Variants in RYR3 observed in about 807,000 individuals in gnomAD.
RYR3 encodes brain ryanodine receptor-calcium release channel.
RYR3 carries 207 observed loss-of-function variants against 584.3 expected under a neutral mutation model. That is an observed-to-expected ratio of 0.35 (90% CI 0.32 to 0.40). The LOEUF (loss-of-function observed/expected upper bound fraction) is 0.40. RYR3 is among the 10% of genes least tolerant of loss of function. The probability of loss-of-function intolerance (pLI) is 1.00; values close to 1 mark genes in which losing one functional copy is unlikely to be tolerated. For missense variants in RYR3, 5,616 were observed against 6,089.2 expected, an observed-to-expected ratio of 0.92 and a Z score of 2.59; for synonymous variants, 2,416 against 2,248.5, an observed-to-expected ratio of 1.07 and a Z score of -2.11.
chr15:33,844,962 T>G lies in RYR3; in HGVS notation c.13397T>G (p.Leu4466Arg), dbSNP rs757250262. The change falls in exon 93 of 104, where the codon CTT (leucine) becomes CGT (arginine). Residue 4466 changes from leucine to arginine, a missense_variant. By Grantham distance (102) the Leu-to-Arg change is moderately radical. Transcript: ENST00000634891. ...EEEEAMVFFV[L>R]QESTGYMAPT... is the part of the protein sequence containing the mutation. ...GAAGAAGCGATGGTATTCTTTGTCC[T>G]TCAGGAGAGCACCGGGTATATGGCA... The G allele has an allele frequency of 1.2e-6, 2 of 1,614,014 alleles. No individual in the cohort carries two copies. The highest frequency in any genetic ancestry group is 2.2e-5 in the South Asian group (2 of 91,080).
intron 28 of RYR3, among the ~76,000 whole-genome samples, chr15:33,644,783 A>G (rs1324277546): frequency 6.6e-6 from 1 of 152,220 alleles, no homozygotes; most frequent in Non-Finnish European, 1.5e-5. Context: ...TTTGCTCTGG[A>G]TGTTCCTATA....
chr15:33,711,297 G>T (rs1271645796), intron 43 of RYR3, among the ~76,000 whole-genome samples: 2 of 132,136 alleles, frequency 1.5e-5, no homozygotes, highest in Admixed American at 8.5e-5. Context: ...AGGCTGGAGT[G>T]CAGTGGCATG....
chr15:33,731,799 C>A (rs2068974208), intron 48 of RYR3, 105 bp downstream of exon 48: 1 of 783,162 alleles, frequency 1.3e-6, no homozygotes, highest in South Asian at 1.6e-5. Context: ...AGCTTCCAGG[C>A]CATTGTCATA....
At position 33,379,687 on chromosome 15, in the gene RYR3, C is replaced by CTCTCTCTCTCTCTCTATATATA; in HGVS notation, c.51+68592_51+68593insCTCTCTCTCTCTCTATATATAT. ...TGTCCCTCTCTCTCTCTCTCTCTCTCTATATATATATATATATATATGAAT... is the reference window on the plus strand; with the variant it reads ...TGTCCCTCTCTCTCTCTCTCTCTCTCTCTCTCTCTCTCTCTATATATATATATATATATATATATATATGAAT... On this transcript the variant is annotated intron_variant, in intron 1 of 103. Transcript: ENST00000634891. Among the ~76,000 whole-genome samples, 246 of 125,454 alleles carry CTCTCTCTCTCTCTCTATATATA rather than the reference C, an allele frequency of 2.0e-3. 1 individual carries two copies. Among genetic ancestry groups the CTCTCTCTCTCTCTCTATATATA allele is most frequent in the African/African-American group, 7.9e-3 (222 of 28,144 alleles). 82.3% of individuals were successfully genotyped at this position (125,454 alleles called of 152,430 possible).
At chr15:33,841,672 A>C (rs147611218) in intron 90 of RYR3, 192 bp from the exon 91 acceptor site, 13 of 557,352 alleles carry the variant, frequency 2.3e-5, no homozygotes, top group Non-Finnish European at 4.1e-5. Flanking sequence ...CACCAAGATC[A>C]TGGCTCATCC....
At chr15:33,786,609 A>G (rs868513932) in intron 66 of RYR3, among the ~76,000 whole-genome samples, 53 of 152,138 alleles carry the variant, frequency 3.5e-4, no homozygotes, top group African/African-American at 1.3e-3. Context: ...ATCAATAACT[A>G]TACTTTCCAC....
At chr15:33,394,327 A>C (rs977852880) in intron 1 of RYR3, among the ~76,000 whole-genome samples, 4 of 152,216 alleles carry the variant, frequency 2.6e-5, no homozygotes, top group Non-Finnish European at 4.4e-5. Context: ...ACATTGTTTA[A>C]AATATTTTCA....
chr15:33,432,722 A>G (rs919949258), intron 1 of RYR3, among the ~76,000 whole-genome samples: 1 of 139,508 alleles, frequency 7.2e-6, no homozygotes, highest in Non-Finnish European at 1.5e-5. Context: ...GGGTTTCACT[A>G]TGTTGGCTAG....
intron 1 of RYR3, among the ~76,000 whole-genome samples, chr15:33,393,224 G>T (rs1188517358): frequency 6.6e-6 from 1 of 152,236 alleles, no homozygotes; most frequent in Non-Finnish European, 1.5e-5. Context: ...CAGCTGACTT[G>T]AGTTAAATGA....
At chr15:33,820,612 A>C in intron 77 of RYR3, 144 bp from the exon 78 acceptor site, 1 of 653,818 alleles carries the variant, frequency 1.5e-6, no homozygotes. Flanking sequence ...GCAGTGGCCA[A>C]AATGTTCCTG....
intron 80 of RYR3, 54 bp downstream of exon 80, chr15:33,821,656 C>T (rs2077114933): frequency 6.5e-7 from 1 of 1,532,564 alleles, no homozygotes; most frequent in East Asian, 2.2e-5. Flanking sequence ...CCATTTGACA[C>T]CTGTCATGCT....
chr15:33,622,959 C>A (rs925603966), intron 19 of RYR3, among the ~76,000 whole-genome samples: 3 of 152,170 alleles, frequency 2.0e-5, no homozygotes, highest in Non-Finnish European at 1.5e-5. Context: ...TGACTTTCAG[C>A]CAGAATACTG....
At chr15:33,784,835 A>G (rs981250768) in intron 65 of RYR3, among the ~76,000 whole-genome samples, 4 of 152,060 alleles carry the variant, frequency 2.6e-5, no homozygotes, top group African/African-American at 9.7e-5. Flanking sequence ...TAAGGGAAGC[A>G]GGACAGATAA....
At chr15:33,438,908 A>G (rs537659302) in intron 1 of RYR3, among the ~76,000 whole-genome samples, 3 of 152,242 alleles carry the variant, frequency 2.0e-5, no homozygotes. Flanking sequence ...AAAAGGATAC[A>G]TAACAAATAC....
intron 43 of RYR3, among the ~76,000 whole-genome samples, chr15:33,714,540 G>T (rs527568173): frequency 4.6e-5 from 7 of 152,162 alleles, no homozygotes; most frequent in African/African-American, 1.7e-4. Context: ...AGATGTGTTT[G>T]GGTGTCTGTG....
At chr15:33,837,492 G>A (rs2078119829) in intron 88 of RYR3, 139 bp from the exon 89 acceptor site, 2 of 902,102 alleles carry the variant, frequency 2.2e-6, no homozygotes, top group Admixed American at 3.0e-5. Context: ...ATGGCTTGCT[G>A]CTCCCTCCTA....
At chr15:33,443,731 A>T (rs556821229) in intron 1 of RYR3, among the ~76,000 whole-genome samples, 1 of 152,130 alleles carries the variant, frequency 6.6e-6, no homozygotes, top group Non-Finnish European at 1.5e-5. Context: ...CACTTTGCTC[A>T]CTCATCAGGA....
intron 1 of RYR3, among the ~76,000 whole-genome samples, chr15:33,413,523 C>G (rs187127852): frequency 1.8e-4 from 28 of 152,310 alleles, no homozygotes; most frequent in Non-Finnish European, 3.5e-4. Flanking sequence ...TATCACTGTT[C>G]TGATTTAGGG....
chr15:33,777,956 G>A (rs2074119559), intron 64 of RYR3, among the ~76,000 whole-genome samples: 1 of 152,086 alleles, frequency 6.6e-6, no homozygotes, highest in Non-Finnish European at 1.5e-5. Context: ...GATCACCTGA[G>A]GTCAGGAGTT....
Sources: gnomAD v4.1 joint callset for allele counts (sites outside exome capture counted in the v4.1 genomes callset) on GRCh38, gnomAD v4.1.1 for gene constraint, MANE v1.5 for transcripts, NCBI Gene and HGNC (gene_info 2026-07-23, HGNC 2026-07-21) for gene names.